Variants in CST7 observed in about 807,000 individuals in gnomAD.
The protein encoded by CST7 is cystatin F.
Under a neutral mutation model 13.1 loss-of-function variants are expected in CST7, and 15 were observed. That is an observed-to-expected ratio of 1.14 (90% CI 0.77 to 1.76). The LOEUF (loss-of-function observed/expected upper bound fraction) is 1.76, where lower values mean the gene tolerates loss of function less well. CST7 is among the 40% of genes most tolerant of loss of function. The pLI is 0.00. For synonymous variants in CST7, 75 were observed against 66.9 expected (o/e 1.12, Z -0.59); for missense variants, 193 against 178.8 (o/e 1.08, Z -0.45).
At chr20:24,950,810 T>C (rs227655) in intron 1 of CST7, among the ~76,000 whole-genome samples, 121,513 of 152,168 alleles carry the variant, frequency 0.8, 49,352 homozygotes, top group East Asian at 0.99. Context: ...CTGCTGCCAT[T>C]CTGTGCCCTG....
At chr20:24,952,646 G>C (rs1444565546) in intron 1 of CST7, among the ~76,000 whole-genome samples, 2 of 152,210 alleles carry the variant, frequency 1.3e-5, no homozygotes, top group African/African-American at 2.4e-5. Context: ...CTTATGCTCT[G>C]GGTGATGGGG....
intron 1 of CST7, among the ~76,000 whole-genome samples, chr20:24,950,675 A>G (rs73906004): frequency 0.022 from 3,283 of 152,196 alleles, 107 homozygotes; most frequent in African/African-American, 0.074. Context: ...AAGGCTGGGG[A>G]CAGCATACCC....
At position 24,956,359 on chromosome 20, in the gene CST7, C is replaced by T. The variant is rs139262476; in HGVS notation, c.71-928C>T. On this transcript the variant is annotated intron_variant, in intron 1 of 3. Coordinates refer to ENST00000480798, the MANE Select transcript of CST7 (RefSeq NM_003650.4). ...TGCCCAGCTATGAAGCCTGTCCCCTCCCATTCCCCAATCACCCTGCCCTCA... is the reference window on the plus strand; with the variant it reads ...TGCCCAGCTATGAAGCCTGTCCCCTTCCATTCCCCAATCACCCTGCCCTCA... Among the ~76,000 whole-genome samples, 786 of 152,280 alleles carry T rather than the reference C, an allele frequency of 5.2e-3. 5 individuals are homozygous for T. Among genetic ancestry groups the T allele is most frequent in the Middle Eastern group, 0.01 (3 of 294 alleles).
intron 1 of CST7, among the ~76,000 whole-genome samples, chr20:24,953,525 G>A (rs1016181789): frequency 6.6e-6 from 1 of 152,148 alleles, no homozygotes; most frequent in Non-Finnish European, 1.5e-5. Flanking sequence ...TGCAATTCTT[G>A]TCAACCTTAG....
chr20:24,950,674 G>T (rs2087813430), intron 1 of CST7, among the ~76,000 whole-genome samples: 1 of 152,156 alleles, frequency 6.6e-6, no homozygotes, highest in African/African-American at 2.4e-5. Context: ...GAAGGCTGGG[G>T]ACAGCATACC....
chr20:24,959,190 C>T (rs1207026118), intron 3 of CST7, 146 bp downstream of exon 3: 9 of 672,636 alleles, frequency 1.3e-5, no homozygotes, highest in Admixed American at 9.5e-5. Context: ...GACTCCCGCA[C>T]GACTGAGGAT....
At chr20:24,950,943 C>T (rs1006297324) in intron 1 of CST7, among the ~76,000 whole-genome samples, 8 of 152,164 alleles carry the variant, frequency 5.3e-5, no homozygotes, top group Non-Finnish European at 1.0e-4. Context: ...GCCAGCTGTC[C>T]TAGCGTGTCC....
rs11908121 is a variant in CST7, at chr20:24,954,156, G to T, written c.71-3131G>T. Among the ~76,000 whole-genome samples the T allele has an allele frequency of 3.7e-3, 570 of 152,300 alleles. 6 individuals carry two copies. The highest frequency in any genetic ancestry group is 0.013 in the African/African-American group (553 of 41,554). ...TCCCCTAGCACCTGCCAAACAGTCC[G>T]TCTTGAATGAGGAAAAAGTGAGAGT... On this transcript the variant is annotated intron_variant, in intron 1 of 3. Coordinates refer to ENST00000480798, the MANE Select transcript of CST7 (RefSeq NM_003650.4).
In CST7 at chr20:24,959,714, C is replaced by T. The variant is rs2087884034; in HGVS notation, c.*2C>T. ...GTGCCTGTTCTCCGTTGTCACTGAC[C>T]CCCGCCTCTTCAGCAAGACCACAGC... On this transcript the variant is annotated 3_prime_UTR_variant, in exon 4 of 4. Coordinates refer to ENST00000480798, the MANE Select transcript of CST7 (RefSeq NM_003650.4). 6.2e-7 allele frequency: 1 copy of T among 1,613,780 alleles called. No homozygotes were observed. Among genetic ancestry groups the T allele is most frequent in the African/African-American group, 1.3e-5 (1 of 74,886 alleles).
rs1419486999 is a variant in CST7, at chr20:24,959,715, C to G, written c.*3C>G. ...TGCCTGTTCTCCGTTGTCACTGACC[C>G]CCGCCTCTTCAGCAAGACCACAGCC... On this transcript the variant is annotated 3_prime_UTR_variant, in exon 4 of 4. Transcript: ENST00000480798. 5 of 1,613,850 alleles carry G rather than the reference C, an allele frequency of 3.1e-6. No homozygotes were observed. The East Asian group carries it at 1.1e-4, about 36-fold the overall frequency.
At chr20:24,956,677 C>A (rs2087856709) in intron 1 of CST7, among the ~76,000 whole-genome samples, 1 of 151,928 alleles carries the variant, frequency 6.6e-6, no homozygotes, top group African/African-American at 2.4e-5. Flanking sequence ...GAGGGGTGCC[C>A]TCCTGGGGGC....
At position 24,959,926 on chromosome 20, in the gene CST7, T is replaced by A; in HGVS notation, c.*214T>A. On this transcript the variant is annotated 3_prime_UTR_variant, in exon 4 of 4. Coordinates refer to ENST00000480798, the MANE Select transcript of CST7 (RefSeq NM_003650.4). ...AATAGATCACATTTGCTTCTAAAAT[T>A]AACTCCTGTTTCTGAGGCTTCCCAC... The A allele has an allele frequency of 3.5e-6, 2 of 565,792 alleles. No individual in the cohort carries two copies. The highest frequency in any genetic ancestry group is 4.2e-5 in the South Asian group (2 of 47,516). The allele number at this position is 565,792 out of a possible 1,614,324, so 35.0% of individuals were successfully genotyped here. A position where few individuals can be genotyped will look rare whatever the true frequency, so the allele number is the denominator to read the frequency against.
chr20:24,955,582 T>TG (rs2087848986), intron 1 of CST7, among the ~76,000 whole-genome samples: 1 of 151,952 alleles, frequency 6.6e-6, no homozygotes, highest in African/African-American at 2.4e-5. Context: ...CCCGAGTACC[T>TG]GGGACTACAG....
At chr20:24,957,611 T>C (rs974859102) in intron 2 of CST7, 152 bp downstream of exon 2, 2 of 768,466 alleles carry the variant, frequency 2.6e-6, no homozygotes, top group African/African-American at 3.5e-5. Context: ...GGGGTGGGAG[T>C]GGACAGCAGC....
intron 1 of CST7, among the ~76,000 whole-genome samples, chr20:24,954,170 A>G (rs946971695): frequency 7.9e-5 from 12 of 152,196 alleles, no homozygotes; most frequent in African/African-American, 2.9e-4. Context: ...TGAATGAGGA[A>G]AAAGTGAGAG....
At chr20:24,956,368 C>T (rs1395272511) in intron 1 of CST7, among the ~76,000 whole-genome samples, 1 of 152,162 alleles carries the variant, frequency 6.6e-6, no homozygotes, top group Non-Finnish European at 1.5e-5. Flanking sequence ...TCCCATTCCC[C>T]AATCACCCTG....
At chr20:24,957,018 G>GTGGA (rs1171092975) in intron 1 of CST7, among the ~76,000 whole-genome samples, 20 of 2,820 alleles carry the variant, frequency 7.1e-3, no homozygotes, top group Non-Finnish European at 8.4e-3. Context: ...GGTGAGGGGG[G>GTGGA]CAGGTGAGGG....
rs544673784 is a variant in CST7, at chr20:24,958,960, G to T, written c.276G>T (p.Val92=). The T allele has an allele frequency of 6.2e-7, 1 of 1,614,044 alleles. No individual in the cohort carries two copies. Among genetic ancestry groups the T allele is most frequent in the Non-Finnish European group, 8.5e-7 (1 of 1,179,954 alleles). ...IVKGLKYMLE[V]EIGRTTCKKN... ...AAGGCCTGAAATATATGCTGGAGGTGGAAATTGGCAGAACTACCTGCAAGA... is the reference window on the plus strand; with the variant it reads ...AAGGCCTGAAATATATGCTGGAGGTTGAAATTGGCAGAACTACCTGCAAGA... Residue 92 remains valine (V), a synonymous_variant, in exon 3 of 4, where the codon GTG becomes GTT. Coordinates refer to ENST00000480798, the MANE Select transcript of CST7 (RefSeq NM_003650.4).
chr20:24,949,376 C>G lies in CST7; in HGVS notation c.-130C>G. 6.3e-6 allele frequency: 10 copies of G among 1,579,678 alleles called. No individual in the cohort carries two copies. The highest frequency in any genetic ancestry group is 8.6e-6 in the Non-Finnish European group (10 of 1,161,262). On this transcript the variant is annotated 5_prime_UTR_variant, in exon 1 of 4. Transcript: ENST00000480798. The stretch of plus-strand genomic sequence containing the variant: ...CACGGGCACAGACCACTGCCCCCAC[C>G]TGCCCTGCGCCATCTACCCAAGAAG...
Sources: allele counts gnomAD v4.1 joint callset (sites outside exome capture counted in the v4.1 genomes callset), GRCh38; gene constraint gnomAD v4.1.1; transcripts MANE v1.5; gene names NCBI Gene and HGNC (gene_info 2026-07-23, HGNC 2026-07-21).